The following CCNY variants were observed in gnomAD, a reference collection of about 807,000 sequenced individuals.
CCNY encodes cyclin-Y.
A neutral mutation model predicts 42.8 loss-of-function variants in CCNY; 19 were observed. The observed-to-expected ratio is 0.44, with a 90% CI of 0.31 to 0.65. The LOEUF (loss-of-function observed/expected upper bound fraction) is 0.65. Among genes scored for constraint, CCNY ranks in the 30% least tolerant of loss-of-function variants. The pLI is 0.07. For synonymous variants in CCNY, 165 were observed against 162.7 expected (o/e 1.01, Z -0.11); for missense variants, 370 against 437.3 (o/e 0.85, Z 1.37).
Position 35,534,357 on chromosome 10 carries a change from G to A in CCNY, c.579+4114G>A, listed in dbSNP as rs983108817. 7.2e-5 allele frequency among the ~76,000 whole-genome samples: 11 copies of A among 152,074 alleles called. 1 individual carries two copies. In the South Asian group the frequency reaches 1.0e-3, roughly 14 times the overall value. ...TTTCTGAAGGGACAGAAAAAAACTCGTCAACTTCGGGGACATCACTCAACT... is the reference window on the plus strand; with the variant it reads ...TTTCTGAAGGGACAGAAAAAAACTCATCAACTTCGGGGACATCACTCAACT... On this transcript the variant is annotated intron_variant, in intron 7 of 9. Coordinates refer to ENST00000374704, the MANE Select transcript of CCNY (RefSeq NM_145012.6).
At chr10:35,324,732 A>G (rs896512526) in intron 3 of CCNY, among the ~76,000 whole-genome samples, 2 of 152,238 alleles carry the variant, frequency 1.3e-5, no homozygotes, top group Non-Finnish European at 2.9e-5. Context: ...TTTTAATTAT[A>G]GAGTGCTGCT....
chr10:35,452,951 G>A (rs1328484460), intron 1 of CCNY, among the ~76,000 whole-genome samples: 1 of 152,076 alleles, frequency 6.6e-6, no homozygotes, highest in East Asian at 1.9e-4. Context: ...TAATTGTGGT[G>A]ACATTGTCTA....
At chr10:35,410,401 T>A (rs1203561812) in intron 1 of CCNY, among the ~76,000 whole-genome samples, 1 of 152,156 alleles carries the variant, frequency 6.6e-6, no homozygotes, top group Non-Finnish European at 1.5e-5. Flanking sequence ...TTTTTTCTTT[T>A]AAAAATTATG....
intron 1 of CCNY, among the ~76,000 whole-genome samples, chr10:35,465,975 G>C (rs1010021490): frequency 3.3e-5 from 5 of 151,838 alleles, no homozygotes; most frequent in South Asian, 4.2e-4. Flanking sequence ...GTGTGTGTGT[G>C]TGTGTCTGTG....
intron 1 of CCNY, among the ~76,000 whole-genome samples, chr10:35,432,955 C>T (rs1838445067): frequency 6.6e-6 from 1 of 152,192 alleles, no homozygotes; most frequent in Non-Finnish European, 1.5e-5. Context: ...ATATTTTGAA[C>T]TAGACTAACG....
At chr10:35,503,534 A>G (rs577404422) in intron 3 of CCNY, among the ~76,000 whole-genome samples, 15 of 152,324 alleles carry the variant, frequency 9.8e-5, no homozygotes, top group African/African-American at 3.6e-4. Context: ...CAATTAGGCT[A>G]ATAAAGCAGC....
At chr10:35,462,288 G>A (rs895015621) in intron 1 of CCNY, among the ~76,000 whole-genome samples, 16 of 152,346 alleles carry the variant, frequency 1.1e-4, no homozygotes, top group African/African-American at 3.4e-4. Context: ...AGGAATGGCG[G>A]TAGTCCTGGC....
Position 35,496,125 on chromosome 10 carries a change from C to G in CCNY, c.230-5376C>G, listed in dbSNP as rs57093891. Among the ~76,000 whole-genome samples the G allele has an allele frequency of 1.2e-3, 190 of 152,358 alleles. 6 individuals are homozygous for G. In the East Asian group the frequency reaches 0.027, roughly 22 times the overall value. ...CAGCAATCAGCTTCGTATATCCAAA[C>G]AAAATTCTGTCATTCTTTAGTTGAA... On this transcript the variant is annotated intron_variant, in intron 2 of 9. Coordinates refer to ENST00000374704, the MANE Select transcript of CCNY (RefSeq NM_145012.6).
At chr10:35,383,799 T>C (rs1483525850) in intron 1 of CCNY, among the ~76,000 whole-genome samples, 1 of 152,134 alleles carries the variant, frequency 6.6e-6, no homozygotes, top group Non-Finnish European at 1.5e-5. Context: ...TCAAGCTAGA[T>C]TGGGGACAGT....
chr10:35,341,510 C>T (rs1415549497), intron 1 of CCNY, among the ~76,000 whole-genome samples: 1 of 152,186 alleles, frequency 6.6e-6, no homozygotes, highest in Non-Finnish European at 1.5e-5. Context: ...TCCAATAGAA[C>T]ATTTATTGTT....
chr10:35,465,076 T>C (rs1839229624), intron 1 of CCNY, among the ~76,000 whole-genome samples: 1 of 152,316 alleles, frequency 6.6e-6, no homozygotes, highest in African/African-American at 2.4e-5. Context: ...TGCATTTGAG[T>C]TAATGGTTGG....
chr10:35,534,122 A>G (rs1428041716), intron 7 of CCNY, among the ~76,000 whole-genome samples: 1 of 152,044 alleles, frequency 6.6e-6, no homozygotes, highest in African/African-American at 2.4e-5. Context: ...CCCAGTTTCA[A>G]ACGATTCTCC....
intron 3 of CCNY, among the ~76,000 whole-genome samples, chr10:35,275,727 C>A (rs1835231299): frequency 1.3e-5 from 2 of 151,760 alleles, no homozygotes; most frequent in Non-Finnish European, 2.9e-5. Context: ...CGCACCACTG[C>A]ACTCCAGCCT....
intron 7 of CCNY, among the ~76,000 whole-genome samples, chr10:35,539,276 C>T (rs1227431381): frequency 6.6e-6 from 1 of 152,174 alleles, no homozygotes; most frequent in Non-Finnish European, 1.5e-5. Context: ...ATTAGCTTGT[C>T]AATTTCTGTC....
intron 2 of CCNY, among the ~76,000 whole-genome samples, chr10:35,487,870 C>T (rs183284782): frequency 5.9e-5 from 9 of 152,238 alleles, no homozygotes; most frequent in Admixed American, 2.6e-4. Flanking sequence ...AGTTAGGTTG[C>T]GAGACCTGCC....
intron 1 of CCNY, among the ~76,000 whole-genome samples, chr10:35,438,441 CCAT>C (rs1443026687): frequency 1.3e-5 from 2 of 152,134 alleles, no homozygotes; most frequent in Non-Finnish European, 2.9e-5. Flanking sequence ...CAGTCATGAG[CCAT>C]CATGCTTGGC....
chr10:35,480,805 A>G (rs1050279453), intron 1 of CCNY, among the ~76,000 whole-genome samples: 14 of 152,138 alleles, frequency 9.2e-5, no homozygotes, highest in African/African-American at 3.4e-4. Flanking sequence ...TGTAGCTACA[A>G]AAAATAAAAA....
intron 1 of CCNY, among the ~76,000 whole-genome samples, chr10:35,479,260 A>T (rs1839598636): frequency 6.6e-6 from 1 of 151,990 alleles, no homozygotes; most frequent in African/African-American, 2.4e-5. Flanking sequence ...TACTGGGTAT[A>T]TACCCAAAGG....
chr10:35,565,968 C>T lies in CCNY; in HGVS notation c.747-55C>T, dbSNP rs1382707716. On this transcript the variant is annotated intron_variant, in intron 8 of 9. Coordinates refer to ENST00000374704, the MANE Select transcript of CCNY (RefSeq NM_145012.6). ...GTCTCCAGCAACTTGCCTTGGCAGG[C>T]CACGTGGCCTGGTGTGGCAGCTAAG... The T allele has an allele frequency of 6.4e-6, 10 of 1,552,708 alleles. No individual in the cohort carries two copies. In the East Asian group the frequency reaches 2.0e-4, roughly 31 times the overall value.
Sources: gnomAD v4.1 joint callset for allele counts (sites outside exome capture counted in the v4.1 genomes callset) on GRCh38, gnomAD v4.1.1 for gene constraint, MANE v1.5 for transcripts, NCBI Gene and HGNC (gene_info 2026-07-23, HGNC 2026-07-21) for gene names.